Variants in MARK1 observed in about 807,000 individuals in gnomAD.
MARK1 encodes the protein microtubule affinity regulating kinase 1.
In MARK1, 40 loss-of-function variants were observed where a neutral mutation model predicts 96.3. The observed-to-expected ratio is 0.42, with a 90% CI of 0.32 to 0.54. The LOEUF (loss-of-function observed/expected upper bound fraction) is 0.54, where lower values mean the gene tolerates loss of function less well. Ranked by LOEUF, MARK1 falls within the 20% of genes least tolerant of loss-of-function variation. MARK1 has a pLI of 0.16. For missense variants in MARK1, 719 were observed against 984.6 expected (o/e 0.73, Z 3.61); for synonymous variants, 317 against 341.2 (o/e 0.93, Z 0.78).
intron 1 of MARK1, among the ~76,000 whole-genome samples, chr1:220,550,573 A>C (rs571876463): frequency 1.4e-3 from 211 of 152,288 alleles, no homozygotes; most frequent in Admixed American, 4.0e-3. Context: ...GGCTGGTATC[A>C]AACTCCTGGG....
At chr1:220,619,557 T>C (rs1047769338) in intron 9 of MARK1, among the ~76,000 whole-genome samples, 1 of 152,208 alleles carries the variant, frequency 6.6e-6, no homozygotes, top group African/African-American at 2.4e-5. Context: ...TACAACATAC[T>C]GGAAACAGGC....
At chr1:220,544,023 G>A (rs1199835876) in intron 1 of MARK1, among the ~76,000 whole-genome samples, 2 of 152,190 alleles carry the variant, frequency 1.3e-5, no homozygotes, top group Non-Finnish European at 2.9e-5. Flanking sequence ...AAAATGATAA[G>A]TCAATCCTTT....
chr1:220,549,669 T>C (rs1352981744), intron 1 of MARK1, among the ~76,000 whole-genome samples: 1 of 152,128 alleles, frequency 6.6e-6, no homozygotes, highest in Non-Finnish European at 1.5e-5. Flanking sequence ...AGAGGAGAGT[T>C]GTTTAGTGAC....
chr1:220,539,728 C>T (rs1456345999), intron 1 of MARK1, among the ~76,000 whole-genome samples: 4 of 150,524 alleles, frequency 2.7e-5, no homozygotes, highest in East Asian at 1.9e-4. Flanking sequence ...GCCTCTTGGG[C>T]GTGGTACGTG....
rs766300061 is a variant in MARK1, at chr1:220,653,259, C to T, written c.1895C>T (p.Ala632Val). The T allele has an allele frequency of 6.2e-7, 1 of 1,614,222 alleles. No individual in the cohort carries two copies. The highest frequency in any genetic ancestry group is 1.1e-5 in the South Asian group (1 of 91,086). The change falls in exon 16 of 18, where the codon GCT (alanine) becomes GTT (valine). Residue 632 changes from alanine to valine, a missense_variant. Coordinates refer to ENST00000366917, the MANE Select transcript of MARK1 (RefSeq NM_018650.5). ...AGCGTTGCTTATAATGGGCCACCTG[C>T]TTCACCATCCCATGAAACGGGTGCA... ...RRSVAYNGPP[A>V]SPSHETGAFA...
chr1:220,657,917 C>A, intron 17 of MARK1, 83 bp downstream of exon 17: 2 of 1,011,938 alleles, frequency 2.0e-6, no homozygotes, highest in South Asian at 2.4e-5. Context: ...ACTTAATGAT[C>A]ATGAATAGAT....
intron 9 of MARK1, among the ~76,000 whole-genome samples, chr1:220,621,175 A>G (rs1318196934): frequency 1.3e-5 from 2 of 152,066 alleles, no homozygotes; most frequent in Non-Finnish European, 2.9e-5. Context: ...TTGTCATAAG[A>G]ATGCACTCCT....
chr1:220,581,085 C>A lies in MARK1; in HGVS notation c.276C>A (p.Asp92Glu). 7.8e-7 allele frequency: 1 copy of A among 1,285,868 alleles called. No individual in the cohort carries two copies. The allele number at this position is 1,285,868 out of a possible 1,614,324, so 79.7% of individuals were successfully genotyped here. A position where few individuals can be genotyped will look rare whatever the true frequency, so the allele number is the denominator to read the frequency against. ...TTTAGGTTGCTGTGAAAATAATAGACAAAACTCAGCTAAATCCTACCAGTC... is the reference window on the plus strand; with the variant it reads ...TTTAGGTTGCTGTGAAAATAATAGAAAAAACTCAGCTAAATCCTACCAGTC... ...TGREVAVKII[D>E]KTQLNPTSLQ... The change falls in exon 3 of 18, where the codon GAC becomes GAA. Residue 92 changes from aspartate (D) to glutamate (E), a missense_variant. Asp to Glu is a conservative substitution (Grantham distance 45). Around this residue, in one of 4 missense-constraint regions of MARK1, gnomAD observed 105 missense variants for 133.4 expected, o/e 0.79. Transcript: ENST00000366917.
chr1:220,641,360 G>C (rs1668258598), intron 13 of MARK1, among the ~76,000 whole-genome samples: 1 of 152,066 alleles, frequency 6.6e-6, no homozygotes, highest in East Asian at 1.9e-4. Flanking sequence ...TACAAAAGAG[G>C]CCCAAGGGAG....
At chr1:220,634,201 G>T (rs1027675646) in intron 11 of MARK1, among the ~76,000 whole-genome samples, 1 of 152,132 alleles carries the variant, frequency 6.6e-6, no homozygotes, top group Non-Finnish European at 1.5e-5. Flanking sequence ...AGATTTTAAA[G>T]TACACTCCCG....
chr1:220,550,073 G>A lies in MARK1; in HGVS notation c.51+21200G>A, dbSNP rs189422961. 2.5e-3 allele frequency among the ~76,000 whole-genome samples: 384 copies of A among 152,256 alleles called. 4 individuals are homozygous for A. In the South Asian group the frequency reaches 0.031, roughly 12 times the overall value. ...TGCTTACCAGTTTCTTCATTTTAAT[G>A]CATTCATTCTTGAGACTGAGTACAA... On this transcript the variant is annotated intron_variant, in intron 1 of 17. Transcript: ENST00000366917.
intron 6 of MARK1, among the ~76,000 whole-genome samples, chr1:220,613,877 T>C (rs1666592615): frequency 6.6e-6 from 1 of 152,210 alleles, no homozygotes; most frequent in South Asian, 2.1e-4. Flanking sequence ...TTCATGACTT[T>C]GACCAACCTA....
chr1:220,664,334 G>A lies in MARK1; in HGVS notation c.*2168G>A, dbSNP rs1444713233. ...TTTTTCAAAGATTTAGAGGAATTTT[G>A]CAATGTGTTTGCATAAATAAATACC... On this transcript the variant is annotated 3_prime_UTR_variant, in exon 18 of 18. Transcript: ENST00000366917. 6.6e-6 allele frequency: 1 copy of A among 152,082 alleles called. No homozygotes were observed. The highest frequency in any genetic ancestry group is 1.5e-5 in the Non-Finnish European group (1 of 68,006). 9.4% of individuals were successfully genotyped at this position (152,082 alleles called of 1,614,324 possible).
chr1:220,643,422 A>G (rs1447172143), intron 13 of MARK1, among the ~76,000 whole-genome samples: 4 of 152,212 alleles, frequency 2.6e-5, no homozygotes, highest in African/African-American at 9.6e-5. Context: ...GAAACCTCCA[A>G]GAAACATGGG....
chr1:220,622,430 C>T (rs1057257843), intron 9 of MARK1, among the ~76,000 whole-genome samples: 10 of 152,128 alleles, frequency 6.6e-5, no homozygotes, highest in African/African-American at 1.9e-4. Flanking sequence ...ATAATCTTTA[C>T]AGTCTTGTTT....
chr1:220,644,563 G>A lies in MARK1; in HGVS notation c.1471-6057G>A, dbSNP rs575154691. On this transcript the variant is annotated intron_variant, in intron 13 of 17. Transcript: ENST00000366917. ...ACAAGATACTCAGGACTTGAACTCAGCTCTGGACCAAGTGGACCTGATAGA... is the reference window on the plus strand; with the variant it reads ...ACAAGATACTCAGGACTTGAACTCAACTCTGGACCAAGTGGACCTGATAGA... Among the ~76,000 whole-genome samples, 7 of 149,586 alleles carry A rather than the reference G, an allele frequency of 4.7e-5. No individual in the cohort carries two copies. The East Asian group carries it at 1.0e-3, about 21-fold the overall frequency.
intron 3 of MARK1, among the ~76,000 whole-genome samples, chr1:220,590,052 A>T (rs2102874640): frequency 6.6e-6 from 1 of 152,224 alleles, no homozygotes; most frequent in Non-Finnish European, 1.5e-5. Context: ...AAGATCACAT[A>T]TGTATATGTG....
intron 3 of MARK1, among the ~76,000 whole-genome samples, chr1:220,595,163 T>G (rs926355848): frequency 3.3e-5 from 5 of 152,194 alleles, no homozygotes; most frequent in Non-Finnish European, 7.3e-5. Context: ...CTAAAACTGC[T>G]ATAAAAATAA....
At chr1:220,552,442 T>C (rs532271321) in intron 1 of MARK1, among the ~76,000 whole-genome samples, 19 of 152,142 alleles carry the variant, frequency 1.2e-4, no homozygotes, top group Non-Finnish European at 2.2e-4. Flanking sequence ...TTACCCCAGC[T>C]CTGCAAGGTG....
Sources: gnomAD v4.1 joint callset for allele counts (sites outside exome capture counted in the v4.1 genomes callset) on GRCh38, gnomAD v4.1.1 for gene constraint, gnomAD v4.1.1 regional missense constraint, MANE v1.5 for transcripts, NCBI Gene and HGNC (gene_info 2026-07-23, HGNC 2026-07-21) for gene names.